GALNT13: variants seen among roughly 807,000 people sequenced by gnomAD.
GALNT13 encodes UDP-GalNAc:polypeptide N-acetylgalactosaminyltransferase 13.
In GALNT13, 28 loss-of-function variants were observed where a neutral mutation model predicts 64.2. That is an observed-to-expected ratio of 0.44 (90% CI 0.32 to 0.60). The LOEUF (loss-of-function observed/expected upper bound fraction) is 0.60. Ranked by LOEUF, GALNT13 falls within the 20% of genes least tolerant of loss-of-function variation. The pLI is 0.05. For synonymous variants in GALNT13, 214 were observed against 224.6 expected, an observed-to-expected ratio of 0.95 and a Z score of 0.42; for missense variants, 577 against 669.8, an observed-to-expected ratio of 0.86 and a Z score of 1.53.
the GALNT13 span, among the ~76,000 whole-genome samples, chr2:153,298,887 G>A: frequency 1.3e-4 from 20 of 152,202 alleles, no homozygotes; most frequent in African/African-American, 4.3e-4. Flanking sequence ...TTACTGGAAG[G>A]TAAGATCAAT....
chr2:154,100,099 T>G (rs918651388), intron 3 of GALNT13, among the ~76,000 whole-genome samples: 2 of 152,178 alleles, frequency 1.3e-5, no homozygotes, highest in African/African-American at 4.8e-5. Flanking sequence ...CATGCAGTTT[T>G]GGTAACTATA....
chr2:154,437,721 G>A (rs1701055671), intron 11 of GALNT13: 2 of 416,392 alleles, frequency 4.8e-6, no homozygotes, highest in Non-Finnish European at 4.8e-6. Flanking sequence ...CCGGCATGGT[G>A]GCGCATGCCT....
the GALNT13 span, among the ~76,000 whole-genome samples, chr2:153,404,996 C>A: frequency 7.2e-5 from 11 of 152,102 alleles, no homozygotes; most frequent in Admixed American, 3.3e-4. Context: ...TGCAGATATC[C>A]AATTGAATTT....
In GALNT13 at chr2:154,245,877, C is replaced by G; in HGVS notation, c.752C>G (p.Ser251Ter). Residue 251 changes from serine to a stop codon, truncating the protein, a stop_gained, in exon 7 of 13, where the codon TCA (serine) becomes TGA (stop). Transcript: ENST00000392825. LOFTEE classifies it high-confidence loss of function. ...SDDTFEYMAG[S>*]DMTYGGFNWK... ...GATACTTTTGAATATATGGCTGGGT[C>G]AGACATGACTTATGGGGGTTTTAAC... 1 of 1,612,698 alleles carries G rather than the reference C, an allele frequency of 6.2e-7. No homozygotes were observed. The highest frequency in any genetic ancestry group is 8.5e-7 in the Non-Finnish European group (1 of 1,178,954).
intron 6 of GALNT13, among the ~76,000 whole-genome samples, chr2:154,243,296 G>A (rs1225934032): frequency 6.6e-6 from 1 of 152,056 alleles, no homozygotes; most frequent in Non-Finnish European, 1.5e-5. Flanking sequence ...GAACAAAGAA[G>A]CCACATCTAA....
chr2:154,126,497 TG>T (rs1682273058), intron 3 of GALNT13, among the ~76,000 whole-genome samples: 1 of 151,646 alleles, frequency 6.6e-6, no homozygotes, highest in African/African-American at 2.4e-5. Context: ...CAGCTGGGCG[TG>T]GTGGTGGGCG....
chr2:154,447,039 T>C (rs557916134), intron 12 of GALNT13, among the ~76,000 whole-genome samples: 1 of 151,912 alleles, frequency 6.6e-6, no homozygotes, highest in African/African-American at 2.4e-5. Context: ...TGAACGATAT[T>C]ATGAAATATT....
chr2:153,312,312 G>A, the GALNT13 span, among the ~76,000 whole-genome samples: 21 of 152,162 alleles, frequency 1.4e-4, no homozygotes, highest in Non-Finnish European at 2.6e-4. Context: ...TCCATGACAC[G>A]GGGGATGCTT....
the GALNT13 span, among the ~76,000 whole-genome samples, chr2:153,776,475 A>T: frequency 6.6e-6 from 1 of 152,336 alleles, no homozygotes; most frequent in Middle Eastern, 3.4e-3. Flanking sequence ...GTCTCCAAGG[A>T]CAAAACATCT....
the GALNT13 span, among the ~76,000 whole-genome samples, chr2:153,437,131 T>A: frequency 4.6e-4 from 70 of 152,186 alleles, no homozygotes; most frequent in African/African-American, 1.5e-3. Flanking sequence ...TGTAGTTGAG[T>A]GGTTTTGAGT....
intron 10 of GALNT13, among the ~76,000 whole-genome samples, chr2:154,399,795 C>T (rs1246207510): frequency 6.6e-6 from 1 of 152,044 alleles, no homozygotes; most frequent in African/African-American, 2.4e-5. Flanking sequence ...ACTCTTAAGC[C>T]TTTCTACCAA....
the GALNT13 span, among the ~76,000 whole-genome samples, chr2:153,225,198 T>C: frequency 6.6e-6 from 1 of 152,182 alleles, no homozygotes; most frequent in African/African-American, 2.4e-5. Flanking sequence ...AATATAATCT[T>C]GCATATCAAT....
chr2:153,968,586 G>A (rs1019590667), intron 3 of GALNT13, among the ~76,000 whole-genome samples: 4 of 152,154 alleles, frequency 2.6e-5, no homozygotes, highest in African/African-American at 9.7e-5. Context: ...TTCCTTGCAT[G>A]GATAGTTGTT....
the GALNT13 span, among the ~76,000 whole-genome samples, chr2:153,822,009 C>T: frequency 4.6e-5 from 7 of 152,110 alleles, no homozygotes; most frequent in Non-Finnish European, 1.0e-4. Flanking sequence ...TCTGGAAACA[C>T]ACAACCTCTC....
Position 154,022,569 on chromosome 2 carries a change from A to G in GALNT13, c.142+77930A>G, listed in dbSNP as rs187168110. 7.1e-3 allele frequency among the ~76,000 whole-genome samples: 1,083 copies of G among 152,170 alleles called. 7 individuals are homozygous for G. The highest frequency in any genetic ancestry group is 1.0e-2 in the Non-Finnish European group (679 of 68,002). ...CCCTTTATCATTTTTTATTGCGTCT[A>G]TCTGATTCTTCTCTCTTTTCTTCTT... is the stretch of plus-strand genomic sequence containing the variant. On this transcript the variant is annotated intron_variant, in intron 3 of 12. Transcript: ENST00000392825.
Position 154,301,593 on chromosome 2 carries a change from C to A in GALNT13, c.1156+4C>A. The A allele has an allele frequency of 6.3e-7, 1 of 1,590,088 alleles. No homozygotes were observed. Among genetic ancestry groups the A allele is most frequent in the Non-Finnish European group, 8.6e-7 (1 of 1,160,660 alleles). ...TTCTTCTACATCATATCCCCAGGTA[C>A]ACAATTCTGACATTTTTCTTTCTCT... On this transcript the variant is annotated splice_donor_region_variant and intron_variant, in intron 9 of 12. Coordinates refer to ENST00000392825, the MANE Select transcript of GALNT13 (RefSeq NM_052917.4).
chr2:153,265,290 T>C, the GALNT13 span, among the ~76,000 whole-genome samples: 4 of 152,180 alleles, frequency 2.6e-5, no homozygotes, highest in Non-Finnish European at 4.4e-5. Flanking sequence ...CTTTCATGTT[T>C]ATTTAGGACC....
At chr2:153,076,876 T>C in the GALNT13 span, among the ~76,000 whole-genome samples, 4 of 151,976 alleles carry the variant, frequency 2.6e-5, no homozygotes, top group Admixed American at 2.0e-4. Context: ...CCTTCATAGT[T>C]CTTTTTCAGG....
chr2:154,127,689 T>C (rs2105536224), intron 3 of GALNT13, among the ~76,000 whole-genome samples: 1 of 149,088 alleles, frequency 6.7e-6, no homozygotes, highest in East Asian at 2.0e-4. Context: ...GTCATATATA[T>C]ATCCATATCC....
Sources: gnomAD v4.1 joint callset for allele counts (sites outside exome capture counted in the v4.1 genomes callset) on GRCh38, gnomAD v4.1.1 for gene constraint, MANE v1.5 for transcripts, NCBI Gene and HGNC (gene_info 2026-07-23, HGNC 2026-07-21) for gene names.